Variants in IL1RAPL2 observed in about 807,000 individuals in gnomAD.
IL1RAPL2 encodes the protein interleukin 1 receptor accessory protein like 2.
In IL1RAPL2, 3 loss-of-function variants were observed where a neutral mutation model predicts 44.1. The observed-to-expected ratio is 0.07, with a 90% CI of 0.03 to 0.18. The LOEUF (loss-of-function observed/expected upper bound fraction) is 0.18. Among genes scored for constraint, IL1RAPL2 ranks in the 10% least tolerant of loss-of-function variants. The probability of loss-of-function intolerance (pLI) is 1.00; values close to 1 mark genes in which losing one functional copy is unlikely to be tolerated. For synonymous variants in IL1RAPL2, 181 were observed against 178.8 expected (o/e 1.01, Z -0.10); for missense variants, 391 against 496.4 (o/e 0.79, Z 2.02).
chrX:105,440,518 T>C (rs770317599), intron 5 of IL1RAPL2, among the ~76,000 whole-genome samples: 22 of 111,944 alleles, frequency 2.0e-4, no homozygotes, highest in Non-Finnish European at 3.6e-4. Flanking sequence ...ATTGCTCTGA[T>C]ATGAAATAAC....
intron 2 of IL1RAPL2, among the ~76,000 whole-genome samples, chrX:104,965,193 T>G (rs1392420391): frequency 1.8e-5 from 2 of 111,632 alleles, no homozygotes; most frequent in African/African-American, 3.3e-5. Flanking sequence ...TGGTGTTGAT[T>G]TGGGATCGTG....
intron 5 of IL1RAPL2, among the ~76,000 whole-genome samples, chrX:105,295,938 C>A (rs2034651756): frequency 9.0e-6 from 1 of 111,264 alleles, no homozygotes; most frequent in Admixed American, 9.6e-5. Flanking sequence ...GATCTGTTTA[C>A]CTTCAGTCTT....
chrX:105,251,144 T>C (rs2034265315), intron 4 of IL1RAPL2, among the ~76,000 whole-genome samples: 1 of 111,041 alleles, frequency 9.0e-6, no homozygotes, highest in Admixed American at 9.6e-5. Context: ...TTCTAAATGC[T>C]ACCACTTATT....
intron 1 of IL1RAPL2, among the ~76,000 whole-genome samples, chrX:104,608,006 A>C (rs907744089): frequency 1.8e-5 from 2 of 111,956 alleles, no homozygotes. Flanking sequence ...TAGACTGGAT[A>C]AAGAAAATGT....
At chrX:105,110,053 ACT>A (rs1358746900) in intron 2 of IL1RAPL2, among the ~76,000 whole-genome samples, 1 of 111,623 alleles carries the variant, frequency 9.0e-6, no homozygotes, top group Non-Finnish European at 1.9e-5. Flanking sequence ...AGGGAAAGTG[ACT>A]CTACAAGTTC....
Position 105,378,748 on chromosome X carries a change from A to G in IL1RAPL2, c.698-105565A>G, listed in dbSNP as rs1460036568. Among the ~76,000 whole-genome samples the G allele has an allele frequency of 1.3e-4, 14 of 111,982 alleles. No individual in the cohort carries two copies. The Admixed American group carries it at 1.3e-3, about 11-fold the overall frequency. On this transcript the variant is annotated intron_variant, in intron 5 of 10. Coordinates refer to ENST00000372582, the MANE Select transcript of IL1RAPL2 (RefSeq NM_017416.2). ...TATTTCAGTCAGCCATTTACCTTCT[A>G]TTCTCTGTAACATGTTCACTAACTA...
chrX:104,933,543 G>A (rs1056694019), intron 2 of IL1RAPL2, among the ~76,000 whole-genome samples: 1 of 111,760 alleles, frequency 8.9e-6, no homozygotes, highest in Non-Finnish European at 1.9e-5. Context: ...ATATGAAGTA[G>A]TGGTAAATTA....
intron 1 of IL1RAPL2, among the ~76,000 whole-genome samples, chrX:104,635,863 C>T (rs868431388): frequency 8.9e-6 from 1 of 111,897 alleles, no homozygotes; most frequent in Non-Finnish European, 1.9e-5. Flanking sequence ...ATTCTCCGTC[C>T]AGCTTTGTTC....
At chrX:104,575,828 C>T (rs1183307291) in intron 1 of IL1RAPL2, among the ~76,000 whole-genome samples, 2 of 111,847 alleles carry the variant, frequency 1.8e-5, no homozygotes, top group East Asian at 5.6e-4. Context: ...GGTTCTTGAA[C>T]CAAACTCAGA....
At chrX:105,552,298 T>G (rs1337288120) in intron 6 of IL1RAPL2, among the ~76,000 whole-genome samples, 2 of 111,812 alleles carry the variant, frequency 1.8e-5, no homozygotes, top group Non-Finnish European at 3.8e-5. Flanking sequence ...GCCTGGCTCA[T>G]AGTAGGCATT....
intron 5 of IL1RAPL2, among the ~76,000 whole-genome samples, chrX:105,286,882 C>A (rs2034576238): frequency 9.0e-6 from 1 of 111,333 alleles, no homozygotes; most frequent in Non-Finnish European, 1.9e-5. Flanking sequence ...CAAATAAAAT[C>A]CCTAAAGGTA....
intron 2 of IL1RAPL2, among the ~76,000 whole-genome samples, chrX:104,686,369 G>A (rs1163564676): frequency 4.5e-5 from 5 of 112,079 alleles, no homozygotes; most frequent in African/African-American, 9.7e-5. Context: ...TATTTTTCAC[G>A]CTTGGTAAGT....
intron 1 of IL1RAPL2, among the ~76,000 whole-genome samples, chrX:104,585,209 TAC>T (rs1928485366): frequency 1.7e-5 from 1 of 59,519 alleles, no homozygotes; most frequent in Non-Finnish European, 2.6e-5. Context: ...GTATTATATA[TAC>T]ACATATATGT....
intron 2 of IL1RAPL2, among the ~76,000 whole-genome samples, chrX:104,686,185 C>CA (rs1406970618): frequency 3.6e-5 from 4 of 111,019 alleles, no homozygotes; most frequent in Admixed American, 9.6e-5. Context: ...AGGGTACCAC[C>CA]AGACAGTAGG....
chrX:105,256,348 A>ATTT (rs1569414070), intron 4 of IL1RAPL2, among the ~76,000 whole-genome samples: 6 of 95,097 alleles, frequency 6.3e-5, no homozygotes, highest in African/African-American at 2.0e-4. Flanking sequence ...TTTTTTTTTG[A>ATTT]GACGGAGTCT....
intron 2 of IL1RAPL2, among the ~76,000 whole-genome samples, chrX:104,758,975 A>G (rs1932384134): frequency 8.9e-6 from 1 of 112,159 alleles, no homozygotes; most frequent in Non-Finnish European, 1.9e-5. Flanking sequence ...GATATAATCT[A>G]TATTCACCCC....
intron 5 of IL1RAPL2, among the ~76,000 whole-genome samples, chrX:105,441,439 A>G (rs1444633850): frequency 1.8e-4 from 20 of 111,466 alleles, no homozygotes. Context: ...TAAGTTTTGT[A>G]AATGGAGATG....
At chrX:104,772,113 T>C (rs893905915) in intron 2 of IL1RAPL2, among the ~76,000 whole-genome samples, 2 of 111,223 alleles carry the variant, frequency 1.8e-5, no homozygotes, top group African/African-American at 6.5e-5. Flanking sequence ...AAAATACAGT[T>C]TCAAGTTTCA....
At chrX:105,064,148 A>G (rs1165964083) in intron 2 of IL1RAPL2, among the ~76,000 whole-genome samples, 1 of 112,308 alleles carries the variant, frequency 8.9e-6, no homozygotes. Context: ...TTACCCCAGG[A>G]CTCAGGCAGG....
Sources: gnomAD v4.1 joint callset for allele counts (sites outside exome capture counted in the v4.1 genomes callset) on GRCh38, gnomAD v4.1.1 for gene constraint, MANE v1.5 for transcripts, NCBI Gene and HGNC (gene_info 2026-07-23, HGNC 2026-07-21) for gene names.